Variants in SFMBT1 observed in about 807,000 individuals in gnomAD.
SFMBT1 encodes scm-like with four MBT domains protein 1.
In SFMBT1, 32 loss-of-function variants were observed where a neutral mutation model predicts 108.7. The observed-to-expected ratio is 0.29, with a 90% CI of 0.22 to 0.40. The LOEUF (loss-of-function observed/expected upper bound fraction) is 0.40, where lower values mean the gene tolerates loss of function less well. SFMBT1 is among the 10% of genes least tolerant of loss of function. The pLI, the probability that SFMBT1 is intolerant of heterozygous loss-of-function variation, is 1.00. For missense variants in SFMBT1, 816 were observed against 1,059.6 expected (o/e 0.77, Z 3.19); for synonymous variants, 348 against 369.5 (o/e 0.94, Z 0.67).
intron 1 of SFMBT1, among the ~76,000 whole-genome samples, chr3:52,993,027 T>C (rs1244498967): frequency 6.6e-6 from 1 of 152,124 alleles, no homozygotes; most frequent in Non-Finnish European, 1.5e-5. Flanking sequence ...TCCTTTAATT[T>C]AAAAGAGGGC....
At chr3:52,999,227 C>T (rs1044828826) in intron 1 of SFMBT1, among the ~76,000 whole-genome samples, 4 of 150,730 alleles carry the variant, frequency 2.7e-5, no homozygotes, top group African/African-American at 7.3e-5. Context: ...TGGGTCAAGG[C>T]GTTCCCGGGG....
intron 17 of SFMBT1, among the ~76,000 whole-genome samples, chr3:52,908,810 A>G (rs1022656838): frequency 1.6e-4 from 25 of 152,130 alleles, no homozygotes; most frequent in African/African-American, 5.8e-4. Context: ...ACCTCAGGTG[A>G]TCTGCCTGCC....
At chr3:52,948,895 C>A (rs777047970) in intron 3 of SFMBT1, among the ~76,000 whole-genome samples, 2 of 12,284 alleles carry the variant, frequency 1.6e-4, no homozygotes, top group African/African-American at 3.0e-4. Context: ...CATTCCTGGG[C>A]TCAAGCAATT....
chr3:52,930,863 T>C, intron 7 of SFMBT1, 78 bp downstream of exon 7: 1 of 1,224,224 alleles, frequency 8.2e-7, no homozygotes, highest in Non-Finnish European at 1.2e-6. Context: ...CAGGGGCTGC[T>C]TTACACTTTC....
chr3:52,928,559 G>A (rs1232213391), intron 8 of SFMBT1: 3 of 333,090 alleles, frequency 9.0e-6, no homozygotes, highest in South Asian at 5.9e-5. Context: ...AACTGAATGA[G>A]GTAAGTACAT....
chr3:52,980,827 T>C (rs947515486), intron 1 of SFMBT1, among the ~76,000 whole-genome samples: 1 of 152,192 alleles, frequency 6.6e-6, no homozygotes, highest in Non-Finnish European at 1.5e-5. Context: ...AACTTTCATA[T>C]GATTTGAGAA....
chr3:52,939,592 A>C (rs780240440), intron 4 of SFMBT1, among the ~76,000 whole-genome samples: 1 of 151,982 alleles, frequency 6.6e-6, no homozygotes, highest in Non-Finnish European at 1.5e-5. Flanking sequence ...TAAATAAATA[A>C]ATGTTTACCT....
Position 52,913,570 on chromosome 3 carries a change from G to A in SFMBT1, c.1528C>T (p.Arg510Cys), listed in dbSNP as rs1054876837. 8 of 1,614,004 alleles carry A rather than the reference G, an allele frequency of 5.0e-6. No homozygotes were observed. The highest frequency in any genetic ancestry group is 1.7e-5 in the Admixed American group (1 of 60,002). Reference sequence around the variant, plus strand: ...TTAAGATATGGCCCTGAGAAGCAACGGTGGTTGAAGTATATCTTTGGACAG... The same window carrying A: ...TTAAGATATGGCCCTGAGAAGCAACAGTGGTTGAAGTATATCTTTGGACAG... ...YCCPKIYFNH[R>C]CFSGPYLNKG... The change falls in exon 15 of 21, where the codon CGT (arginine) becomes TGT (cysteine). Residue 510 changes from arginine (R) to cysteine (C), a missense_variant. Physicochemically the swap from Arg to Cys is radical, Grantham distance 180. Transcript: ENST00000394752.
chr3:53,032,529 C>A (rs1269131885), intron 1 of SFMBT1, among the ~76,000 whole-genome samples: 1 of 152,172 alleles, frequency 6.6e-6, no homozygotes, highest in African/African-American at 2.4e-5. Flanking sequence ...GATGGAAAGC[C>A]ACTGGCAGCC....
In SFMBT1 at chr3:52,907,614, C is replaced by T; in HGVS notation, c.2026G>A (p.Val676Ile). Residue 676 changes from valine to isoleucine, a missense_variant, in exon 18 of 21, where the codon GTT becomes ATT. By Grantham distance (29) the Val-to-Ile change is conservative. Coordinates refer to ENST00000394752, the MANE Select transcript of SFMBT1 (RefSeq NM_016329.4). ...GCAGAGGAGCGTTTCTTCTTATGAA[C>T]AAAAACATTTTTCCGCCTCTTTCTC... ...KRRKRRKNVF[V>I]HKKKRSSASV... is the part of the protein sequence containing the mutation. The T allele has an allele frequency of 6.2e-7, 1 of 1,614,130 alleles. No individual in the cohort carries two copies. The highest frequency in any genetic ancestry group is 8.5e-7 in the Non-Finnish European group (1 of 1,180,018).
In SFMBT1 at chr3:52,941,792, G is replaced by A. The variant is rs560763763; in HGVS notation, c.364+1561C>T. Among the ~76,000 whole-genome samples, 8 of 152,080 alleles carry A rather than the reference G, an allele frequency of 5.3e-5. 1 individual carries two copies. The East Asian group carries it at 1.5e-3, about 29-fold the overall frequency. Reference sequence around the variant, plus strand: ...ACACACCTGTAGACCCAGCTACTTGGCAGGGGTGAGGTGGGAGAATCACTT... The same window carrying A: ...ACACACCTGTAGACCCAGCTACTTGACAGGGGTGAGGTGGGAGAATCACTT... On this transcript the variant is annotated intron_variant, in intron 4 of 20. Transcript: ENST00000394752.
At chr3:52,988,120 A>T (rs1237936182) in intron 1 of SFMBT1, among the ~76,000 whole-genome samples, 4 of 152,198 alleles carry the variant, frequency 2.6e-5, no homozygotes, top group Admixed American at 6.5e-5. Context: ...ACTTAGAGAG[A>T]CCCTTGGGAG....
intron 1 of SFMBT1, among the ~76,000 whole-genome samples, chr3:53,008,070 A>AG (rs1698808974): frequency 3.3e-5 from 1 of 30,306 alleles, no homozygotes; most frequent in Non-Finnish European, 8.7e-5. Context: ...CCACCCCCGC[A>AG]AAAAAAAAAA....
At chr3:52,931,058 G>A in intron 6 of SFMBT1, 23 bp from the exon 7 acceptor site, 1 of 1,592,280 alleles carries the variant, frequency 6.3e-7, no homozygotes, top group Non-Finnish European at 8.6e-7. Flanking sequence ...ATGACAACAT[G>A]CTTTAGATGA....
intron 4 of SFMBT1, among the ~76,000 whole-genome samples, chr3:52,942,936 T>C (rs376098664): frequency 6.6e-6 from 1 of 152,248 alleles, no homozygotes; most frequent in East Asian, 1.9e-4. Context: ...CCTTCTGGAA[T>C]GGTGCTTGAT....
At chr3:53,013,343 A>G (rs1699017294) in intron 1 of SFMBT1, among the ~76,000 whole-genome samples, 1 of 151,708 alleles carries the variant, frequency 6.6e-6, no homozygotes, top group Non-Finnish European at 1.5e-5. Flanking sequence ...GGGAACAGGT[A>G]AACTTAGAAT....
At chr3:52,908,114 G>A (rs572810796) in intron 17 of SFMBT1, among the ~76,000 whole-genome samples, 140 of 141,380 alleles carry the variant, frequency 9.9e-4, no homozygotes, top group Non-Finnish European at 1.6e-3. Context: ...TTGCTCTGTC[G>A]CCAGGCTGGA....
intron 1 of SFMBT1, among the ~76,000 whole-genome samples, chr3:52,983,514 T>A (rs532478886): frequency 3.3e-5 from 5 of 152,260 alleles, no homozygotes; most frequent in Admixed American, 3.3e-4. Flanking sequence ...ATAATATGTA[T>A]GTTGAATGAA....
Position 52,965,645 on chromosome 3 carries a change from G to A in SFMBT1, c.28+3456C>T, listed in dbSNP as rs114377362. ...GCAAAAATATCCCTCAACAATGAAT[G>A]GGGAAATCAACATATTCTCAAATGA... On this transcript the variant is annotated intron_variant, in intron 2 of 20. Transcript: ENST00000394752. 9.0e-3 allele frequency among the ~76,000 whole-genome samples: 1,368 copies of A among 152,050 alleles called. 17 individuals are homozygous for A. The highest frequency in any genetic ancestry group is 0.031 in the African/African-American group (1,277 of 41,468).
Sources: allele counts gnomAD v4.1 joint callset (sites outside exome capture counted in the v4.1 genomes callset), GRCh38; gene constraint gnomAD v4.1.1; transcripts MANE v1.5; gene names NCBI Gene and HGNC (gene_info 2026-07-23, HGNC 2026-07-21).